Variants in TENM4 observed in about 807,000 individuals in gnomAD.
The protein encoded by TENM4 is teneurin-4.
A neutral mutation model predicts 243.3 loss-of-function variants in TENM4; 82 were observed. The ratio of observed to expected loss-of-function variants is 0.34; its 90% CI spans 0.28 to 0.40. TENM4 has a LOEUF of 0.40. Ranked by LOEUF, TENM4 falls within the 10% of genes least tolerant of loss-of-function variation. The probability of loss-of-function intolerance (pLI) is 1.00; values close to 1 mark genes in which losing one functional copy is unlikely to be tolerated. For synonymous variants in TENM4, 1,412 were observed against 1,456.3 expected (o/e 0.97, Z 0.69); for missense variants, 3,138 against 3,673.3 (o/e 0.85, Z 3.77).
chr11:79,333,516 T>A (rs765839942), intron 1 of TENM4, among the ~76,000 whole-genome samples: 6 of 152,354 alleles, frequency 3.9e-5, no homozygotes, highest in South Asian at 4.1e-4. Context: ...GACAGGCATG[T>A]GGCTAGGAGT....
chr11:78,735,649 C>T (rs547659850), intron 20 of TENM4, among the ~76,000 whole-genome samples: 2 of 152,360 alleles, frequency 1.3e-5, no homozygotes, highest in Admixed American at 1.3e-4. Flanking sequence ...GAAGCCCAAA[C>T]AGCGCAGGGC....
At chr11:79,068,252 T>G (rs1029066855) in intron 5 of TENM4, 1 of 152,252 alleles carries the variant, frequency 6.6e-6, no homozygotes, top group African/African-American at 2.4e-5. Flanking sequence ...CATTTATAGT[T>G]CTCATCAATC....
chr11:79,178,746 C>A (rs1164241573), intron 3 of TENM4, among the ~76,000 whole-genome samples: 1 of 152,184 alleles, frequency 6.6e-6, no homozygotes, highest in Non-Finnish European at 1.5e-5. Flanking sequence ...GTCTCCCCCA[C>A]ACCCACCCAC....
chr11:79,346,265 G>A (rs966359640), intron 1 of TENM4, among the ~76,000 whole-genome samples: 1 of 152,084 alleles, frequency 6.6e-6, no homozygotes, highest in African/African-American at 2.4e-5. Context: ...ACACAGCTTC[G>A]ATGTCAGCCG....
intron 4 of TENM4, among the ~76,000 whole-genome samples, chr11:79,132,303 G>T (rs557044850): frequency 7.5e-6 from 1 of 132,880 alleles, no homozygotes; most frequent in Admixed American, 8.3e-5. Flanking sequence ...CTGAGATAGC[G>T]CCACTGCAGT....
At position 79,041,951 on chromosome 11, in the gene TENM4, G is replaced by A. The variant is rs374370569; in HGVS notation, c.493+22787C>T. Among the ~76,000 whole-genome samples the A allele has an allele frequency of 1.3e-3, 204 of 152,332 alleles. 1 individual carries two copies. In the South Asian group the frequency reaches 0.015, roughly 11 times the overall value. On this transcript the variant is annotated intron_variant, in intron 6 of 33. Transcript: ENST00000278550. ...AACGGGGGCTACAGAAGCCCAGGGA[G>A]CAGTGACTTCCCTTAGCCGGAGGGT...
intron 12 of TENM4, among the ~76,000 whole-genome samples, chr11:78,838,450 A>C (rs1858171107): frequency 6.6e-6 from 1 of 152,134 alleles, no homozygotes; most frequent in Admixed American, 6.6e-5. Context: ...TGGTTTCTTC[A>C]GTGACTTTAG....
intron 12 of TENM4, among the ~76,000 whole-genome samples, chr11:78,816,411 C>G (rs911676897): frequency 1.3e-5 from 2 of 152,208 alleles, no homozygotes; most frequent in Non-Finnish European, 2.9e-5. Context: ...TTTGGGGCAC[C>G]CCCTCATGGG....
chr11:79,161,526 T>A (rs1025276363), intron 3 of TENM4, among the ~76,000 whole-genome samples: 1 of 152,062 alleles, frequency 6.6e-6, no homozygotes, highest in African/African-American at 2.4e-5. Flanking sequence ...GGGAAGGCCA[T>A]GTGAAGTGGG....
chr11:78,923,838 C>T (rs1054803633), intron 6 of TENM4, among the ~76,000 whole-genome samples: 5 of 100,496 alleles, frequency 5.0e-5, no homozygotes, highest in Non-Finnish European at 8.8e-5. Flanking sequence ...CCATACCTCG[C>T]TATTCTTTTT....
At chr11:78,877,674 G>A (rs574521444) in intron 9 of TENM4, among the ~76,000 whole-genome samples, 1 of 152,120 alleles carries the variant, frequency 6.6e-6, no homozygotes, top group Non-Finnish European at 1.5e-5. Flanking sequence ...CAACCCCTAG[G>A]AGAGTGTGTT....
intron 6 of TENM4, among the ~76,000 whole-genome samples, chr11:78,946,812 G>T (rs572098009): frequency 6.6e-6 from 1 of 152,278 alleles, no homozygotes; most frequent in South Asian, 2.1e-4. Context: ...CAGGTGTGTT[G>T]GTAGTAGCAA....
intron 4 of TENM4, among the ~76,000 whole-genome samples, chr11:79,129,888 AG>A (rs1861965952): frequency 6.6e-6 from 1 of 152,146 alleles, no homozygotes; most frequent in Non-Finnish European, 1.5e-5. Context: ...ACCACAGCTG[AG>A]GCTCTCTGGA....
At chr11:78,911,842 G>C (rs1002942243) in intron 6 of TENM4, among the ~76,000 whole-genome samples, 2 of 152,338 alleles carry the variant, frequency 1.3e-5, no homozygotes, top group East Asian at 3.9e-4. Flanking sequence ...AAATTACCCA[G>C]TCTGCTAGAG....
At chr11:78,749,346 T>C (rs1315893926) in intron 19 of TENM4, 1 of 143,784 alleles carries the variant, frequency 7.0e-6, no homozygotes, top group Admixed American at 7.4e-5. Context: ...AATTTATCAT[T>C]GTCTTTCTTT....
chr11:78,844,229 T>A (rs1858331046), intron 12 of TENM4, among the ~76,000 whole-genome samples: 1 of 152,190 alleles, frequency 6.6e-6, no homozygotes, highest in Non-Finnish European at 1.5e-5. Flanking sequence ...ACCAAATTCA[T>A]ATGCTGAAGC....
intron 4 of TENM4, among the ~76,000 whole-genome samples, chr11:79,111,414 G>C (rs766489368): frequency 6.6e-6 from 1 of 152,054 alleles, no homozygotes; most frequent in Non-Finnish European, 1.5e-5. Flanking sequence ...GCATGATGGC[G>C]GGCACCTGTA....
intron 27 of TENM4, among the ~76,000 whole-genome samples, chr11:78,706,139 G>T (rs988078461): frequency 1.3e-5 from 2 of 152,048 alleles, no homozygotes; most frequent in Non-Finnish European, 2.9e-5. Context: ...TGAGACTATT[G>T]TGATAGCTAA....
intron 1 of TENM4, among the ~76,000 whole-genome samples, chr11:79,341,623 G>A (rs1040932827): frequency 6.6e-6 from 1 of 152,228 alleles, no homozygotes; most frequent in African/African-American, 2.4e-5. Flanking sequence ...TAGGGTAAAA[G>A]GGTAGATGTT....
Sources: allele counts gnomAD v4.1 joint callset (sites outside exome capture counted in the v4.1 genomes callset), GRCh38; gene constraint gnomAD v4.1.1; transcripts MANE v1.5; gene names NCBI Gene and HGNC (gene_info 2026-07-23, HGNC 2026-07-21).